Variants in CNBD1 observed in about 807,000 individuals in gnomAD.
CNBD1 encodes cyclic nucleotide-binding domain-containing protein 1.
Under a neutral mutation model 54.4 loss-of-function variants are expected in CNBD1, and 71 were observed. The observed-to-expected ratio is 1.30, with a 90% CI of 1.08 to 1.59. The LOEUF is 1.59. Ranked by LOEUF, CNBD1 falls within the 40% of genes most tolerant of loss-of-function variation. CNBD1 has a pLI of 0.00. For synonymous variants in CNBD1, 182 were observed against 170.7 expected, an observed-to-expected ratio of 1.07 and a Z score of -0.51; for missense variants, 659 against 518.0, an observed-to-expected ratio of 1.27 and a Z score of -2.64.
In CNBD1 at chr8:87,396,014, G is replaced by A. The variant is rs142077754; in HGVS notation, c.214-32532G>A. Among the ~76,000 whole-genome samples the A allele has an allele frequency of 1.2e-4, 18 of 152,044 alleles. No homozygotes were observed. The East Asian group carries it at 3.5e-3, about 30-fold the overall frequency. On this transcript the variant is annotated intron_variant, in intron 2 of 7. Transcript: ENST00000521593. ...AGGCCTCCCAGCCCTGAAGAACTGT[G>A]AGTCAATTAAACCTCATTCTTTTAT...
chr8:87,269,526 CA>C (rs2130856673), intron 6 of CNBD1, among the ~76,000 whole-genome samples: 1 of 152,158 alleles, frequency 6.6e-6, no homozygotes, highest in South Asian at 2.1e-4. Context: ...GCCATTTTAA[CA>C]ATATTTATTC....
At chr8:87,248,474 A>G (rs1807849915) in intron 6 of CNBD1, among the ~76,000 whole-genome samples, 1 of 152,308 alleles carries the variant, frequency 6.6e-6, no homozygotes, top group East Asian at 1.9e-4. Context: ...GCCTTCAATA[A>G]TTGCTTCTAT....
At chr8:87,128,844 G>T (rs1812054003) in intron 4 of CNBD1, among the ~76,000 whole-genome samples, 1 of 150,596 alleles carries the variant, frequency 6.6e-6, no homozygotes, top group Non-Finnish European at 1.5e-5. Flanking sequence ...AGCACTTTGG[G>T]AGGCTGAGGT....
chr8:86,896,618 T>TA (rs1401122688), intron 2 of CNBD1, among the ~76,000 whole-genome samples: 1 of 152,170 alleles, frequency 6.6e-6, no homozygotes, highest in African/African-American at 2.4e-5. Context: ...TATTTGTGTA[T>TA]AAAAATCTAC....
intron 4 of CNBD1, among the ~76,000 whole-genome samples, chr8:86,967,130 G>A (rs747565908): frequency 2.0e-5 from 3 of 152,202 alleles, no homozygotes; most frequent in Non-Finnish European, 4.4e-5. Context: ...AGTGGAGAGA[G>A]GCCAGGCAGC....
At chr8:87,374,152 A>G (rs906460648) in intron 10 of CNBD1, among the ~76,000 whole-genome samples, 1 of 151,792 alleles carries the variant, frequency 6.6e-6, no homozygotes, top group Non-Finnish European at 1.5e-5. Flanking sequence ...CCCCATCAAC[A>G]TGTATATGAC....
chr8:86,920,778 C>T lies in CNBD1; in HGVS notation c.272+15584C>T, dbSNP rs183207390. ...AAGAGGCTAGGACATCCCAATTGCT[C>T]GAATTAAAGAATTTTACTGAGAATT... On this transcript the variant is annotated intron_variant, in intron 3 of 10. Coordinates refer to ENST00000518476, the MANE Select transcript of CNBD1 (RefSeq NM_173538.3). Among the ~76,000 whole-genome samples, 1,265 of 152,148 alleles carry T rather than the reference C, an allele frequency of 8.3e-3. 6 individuals carry two copies. The highest frequency in any genetic ancestry group is 0.012 in the Non-Finnish European group (846 of 68,004).
intron 2 of CNBD1, among the ~76,000 whole-genome samples, chr8:87,419,449 A>T (rs1807889661): frequency 6.6e-6 from 1 of 151,936 alleles, no homozygotes; most frequent in Admixed American, 6.6e-5. Context: ...TATTGTGTGT[A>T]TATCTTAATA....
At chr8:86,968,937 G>A (rs1408768201) in intron 4 of CNBD1, among the ~76,000 whole-genome samples, 1 of 152,156 alleles carries the variant, frequency 6.6e-6, no homozygotes, top group Non-Finnish European at 1.5e-5. Context: ...GTGAAATTCA[G>A]CAGAACTGTT....
At chr8:87,331,278 G>T (rs931778786) in intron 8 of CNBD1, among the ~76,000 whole-genome samples, 1 of 152,102 alleles carries the variant, frequency 6.6e-6, no homozygotes, top group Non-Finnish European at 1.5e-5. Flanking sequence ...TGTTCTAATT[G>T]TTCAGCTCCC....
chr8:87,354,671 C>CT (rs1317417087), intron 10 of CNBD1, among the ~76,000 whole-genome samples: 1 of 151,700 alleles, frequency 6.6e-6, no homozygotes, highest in Non-Finnish European at 1.5e-5. Context: ...GTTTTTTGTC[C>CT]TTGTGATAGT....
rs149608896 is a variant in CNBD1 at position 87,213,837 on chromosome 8, C to T, written c.577+7699C>T. ...GTCTCATCTGAGACAAGGCAAGTCC[C>T]GTCCACCTGTGAGCCTGTAAAATCA... On this transcript the variant is annotated intron_variant, in intron 5 of 10. Transcript: ENST00000518476. 3.5e-3 allele frequency among the ~76,000 whole-genome samples: 530 copies of T among 152,276 alleles called. 4 individuals carry two copies. Among genetic ancestry groups the T allele is most frequent in the African/African-American group, 0.012 (508 of 41,558 alleles).
chr8:87,191,683 T>G (rs1338567620), intron 4 of CNBD1, among the ~76,000 whole-genome samples: 1 of 152,194 alleles, frequency 6.6e-6, no homozygotes, highest in Non-Finnish European at 1.5e-5. Context: ...ATTTTAGTTC[T>G]TAGTCATTGC....
At chr8:87,406,116 G>C (rs1420355111) in intron 2 of CNBD1, among the ~76,000 whole-genome samples, 1 of 151,914 alleles carries the variant, frequency 6.6e-6, no homozygotes, top group African/African-American at 2.4e-5. Flanking sequence ...TTCTTAATTA[G>C]ATAATGATAC....
At chr8:87,308,596 C>G (rs1809203395) in intron 8 of CNBD1, among the ~76,000 whole-genome samples, 1 of 152,116 alleles carries the variant, frequency 6.6e-6, no homozygotes, top group Admixed American at 6.6e-5. Flanking sequence ...GTGTTAGAAA[C>G]ATTTCAAATC....
chr8:87,162,479 G>A (rs548868444), intron 4 of CNBD1, among the ~76,000 whole-genome samples: 1 of 152,146 alleles, frequency 6.6e-6, no homozygotes, highest in African/African-American at 2.4e-5. Flanking sequence ...ATTTTAAAAT[G>A]ATGCTGATGA....
At chr8:87,180,269 G>A (rs1193013044) in intron 4 of CNBD1, among the ~76,000 whole-genome samples, 1 of 152,132 alleles carries the variant, frequency 6.6e-6, no homozygotes, top group Non-Finnish European at 1.5e-5. Flanking sequence ...GTTGTTTGCA[G>A]AAATCATGAA....
intron 6 of CNBD1, among the ~76,000 whole-genome samples, chr8:87,261,651 A>G (rs1341389706): frequency 3.3e-5 from 5 of 152,064 alleles, no homozygotes; most frequent in Admixed American, 6.6e-5. Flanking sequence ...TTAGCAGTCA[A>G]TGGGTGGTTA....
chr8:87,343,138 G>T (rs1011463390), intron 8 of CNBD1, among the ~76,000 whole-genome samples: 7 of 152,172 alleles, frequency 4.6e-5, no homozygotes, highest in Non-Finnish European at 7.3e-5. Context: ...GAAAAATATG[G>T]CTGTATTCTG....
Sources: allele counts gnomAD v4.1 joint callset (sites outside exome capture counted in the v4.1 genomes callset), GRCh38; gene constraint gnomAD v4.1.1; transcripts MANE v1.5; gene names NCBI Gene and HGNC (gene_info 2026-07-23, HGNC 2026-07-21).